The following SH3GL2 variants were observed in gnomAD, a reference collection of about 807,000 sequenced individuals.
SH3GL2 encodes SH3 domain containing GRB2 like 2, endophilin A1, also known as endophilin-A1.
SH3GL2 carries 24 observed loss-of-function variants against 46.0 expected under a neutral mutation model. The observed-to-expected ratio is 0.52, with a 90% CI of 0.38 to 0.73. SH3GL2 has a LOEUF of 0.73. Ranked by LOEUF, SH3GL2 falls within the 30% of genes least tolerant of loss-of-function variation. The pLI, the probability that SH3GL2 is intolerant of heterozygous loss-of-function variation, is 0.00. For synonymous variants in SH3GL2, 196 were observed against 147.1 expected (o/e 1.33, Z -2.40); for missense variants, 413 against 424.2 (o/e 0.97, Z 0.23).
intron 1 of SH3GL2, among the ~76,000 whole-genome samples, chr9:17,717,608 A>G (rs1821794203): frequency 6.6e-6 from 1 of 152,088 alleles, no homozygotes; most frequent in Non-Finnish European, 1.5e-5. Context: ...TGCAGAAGAG[A>G]ATATGCCCTC....
intron 3 of SH3GL2, among the ~76,000 whole-genome samples, chr9:17,785,618 A>G (rs576516823): frequency 1.1e-4 from 17 of 152,308 alleles, no homozygotes; most frequent in African/African-American, 3.8e-4. Flanking sequence ...CCTAGCATCA[A>G]TTAAGTCATA....
At chr9:17,637,825 A>G (rs1016521684) in intron 1 of SH3GL2, among the ~76,000 whole-genome samples, 6 of 152,170 alleles carry the variant, frequency 3.9e-5, no homozygotes, top group Non-Finnish European at 8.8e-5. Context: ...CAGACACTTA[A>G]TATCTATTCC....
intron 1 of SH3GL2, among the ~76,000 whole-genome samples, chr9:17,680,657 C>A (rs1220954549): frequency 6.6e-6 from 1 of 152,122 alleles, no homozygotes; most frequent in African/African-American, 2.4e-5. Flanking sequence ...TTAGTTATTT[C>A]TTGCCTTCTG....
rs1442980398 is a variant in SH3GL2, at chr9:17,745,210, AT to A, written c.46-1853del. Among the ~76,000 whole-genome samples the A allele has an allele frequency of 3.3e-5, 5 of 152,216 alleles. No homozygotes were observed. In the East Asian group the frequency reaches 5.8e-4, roughly 18 times the overall value. The stretch of plus-strand genomic sequence containing the variant: ...TTGAAAGTATGTGTCAGTGATACAA[AT>A]TTAATAACCTTTCACTTTGAATCAT... On this transcript the variant is annotated intron_variant, in intron 1 of 8. Transcript: ENST00000380607.
intron 1 of SH3GL2, among the ~76,000 whole-genome samples, chr9:17,680,176 A>G (rs986640469): frequency 1.2e-4 from 18 of 151,996 alleles, no homozygotes; most frequent in Middle Eastern, 3.2e-3. Context: ...CTCTTTTTCT[A>G]TTGATTCGAA....
At chr9:17,703,783 A>G (rs190416457) in intron 1 of SH3GL2, among the ~76,000 whole-genome samples, 4 of 152,226 alleles carry the variant, frequency 2.6e-5, no homozygotes, top group African/African-American at 7.2e-5. Flanking sequence ...TTGACAAACT[A>G]GACATCAAAG....
At chr9:17,749,916 C>G (rs998375924) in intron 2 of SH3GL2, among the ~76,000 whole-genome samples, 2 of 152,086 alleles carry the variant, frequency 1.3e-5, no homozygotes, top group African/African-American at 4.8e-5. Flanking sequence ...ATAGATACTC[C>G]TGCAGCAAAG....
intron 5 of SH3GL2, among the ~76,000 whole-genome samples, chr9:17,789,068 G>A (rs1374193817): frequency 6.6e-6 from 1 of 152,214 alleles, no homozygotes; most frequent in Admixed American, 6.5e-5. Flanking sequence ...TGTAGGGCAT[G>A]TGCATTCCTT....
chr9:17,650,964 C>T (rs1819940811), intron 1 of SH3GL2, among the ~76,000 whole-genome samples: 1 of 151,608 alleles, frequency 6.6e-6, no homozygotes, highest in Admixed American at 6.6e-5. Flanking sequence ...TAGACCTTTT[C>T]TCTGTTTCTC....
intron 1 of SH3GL2, among the ~76,000 whole-genome samples, chr9:17,708,013 A>AT (rs1306036533): frequency 6.6e-6 from 1 of 152,040 alleles, no homozygotes; most frequent in Non-Finnish European, 1.5e-5. Flanking sequence ...ATTATTGTAA[A>AT]TGGAGTGCAC....
At chr9:17,663,261 A>G (rs1820266588) in intron 1 of SH3GL2, among the ~76,000 whole-genome samples, 2 of 152,226 alleles carry the variant, frequency 1.3e-5, no homozygotes, top group Non-Finnish European at 2.9e-5. Context: ...TGATTTTAGT[A>G]TAAAACAGTT....
intron 1 of SH3GL2, among the ~76,000 whole-genome samples, chr9:17,645,440 T>A (rs1325232677): frequency 6.6e-6 from 1 of 152,144 alleles, no homozygotes; most frequent in African/African-American, 2.4e-5. Context: ...ATTTTGCCCA[T>A]TAGTGGATGA....
chr9:17,695,784 A>T (rs929112331), intron 1 of SH3GL2, among the ~76,000 whole-genome samples: 3 of 152,192 alleles, frequency 2.0e-5, no homozygotes, highest in East Asian at 1.9e-4. Context: ...AGATTTTTTT[A>T]AAAATGGAAA....
At chr9:17,662,955 C>T (rs909244706) in intron 1 of SH3GL2, among the ~76,000 whole-genome samples, 5 of 152,082 alleles carry the variant, frequency 3.3e-5, no homozygotes, top group African/African-American at 7.2e-5. Context: ...GTGATCTGCC[C>T]GCCTCCCAAA....
At chr9:17,667,195 A>G (rs1022249710) in intron 1 of SH3GL2, among the ~76,000 whole-genome samples, 1 of 152,202 alleles carries the variant, frequency 6.6e-6, no homozygotes, top group East Asian at 1.9e-4. Flanking sequence ...CTTGTCGTGT[A>G]TTCTTTTTTG....
Position 17,789,102 on chromosome 9 carries a change from A to G in SH3GL2, c.466-290A>G, listed in dbSNP as rs899542885. ...TTCTCTGTTTCTGTCATGGGCTGCA[A>G]AGGCTTAGTCCAGCTTGGCTTTGGC... is the stretch of plus-strand genomic sequence containing the variant. On this transcript the variant is annotated intron_variant, in intron 5 of 8. Transcript: ENST00000380607. Among the ~76,000 whole-genome samples, 5 of 152,196 alleles carry G rather than the reference A, an allele frequency of 3.3e-5. 1 individual carries two copies. Among genetic ancestry groups the G allele is most frequent in the Admixed American group, 6.5e-5 (1 of 15,276 alleles).
intron 1 of SH3GL2, among the ~76,000 whole-genome samples, chr9:17,636,262 T>G (rs1226986232): frequency 6.6e-6 from 1 of 152,116 alleles, no homozygotes; most frequent in Non-Finnish European, 1.5e-5. Flanking sequence ...GCACAGAACT[T>G]GCCACTGTGG....
intron 3 of SH3GL2, among the ~76,000 whole-genome samples, chr9:17,768,385 A>C (rs1012636860): frequency 4.6e-5 from 7 of 151,810 alleles, no homozygotes; most frequent in African/African-American, 7.3e-5. Context: ...AAAAAAAAAA[A>C]AAAAAACACC....
At chr9:17,727,268 T>A (rs1588277532) in intron 1 of SH3GL2, among the ~76,000 whole-genome samples, 1 of 152,160 alleles carries the variant, frequency 6.6e-6, no homozygotes, top group Non-Finnish European at 1.5e-5. Flanking sequence ...AATAAGTTTT[T>A]GTTGTTTATG....
Sources: gnomAD v4.1 joint callset for allele counts (sites outside exome capture counted in the v4.1 genomes callset) on GRCh38, gnomAD v4.1.1 for gene constraint, MANE v1.5 for transcripts, NCBI Gene and HGNC (gene_info 2026-07-23, HGNC 2026-07-21) for gene names.